Variants in BST1 observed in about 807,000 individuals in gnomAD.
BST1 encodes ADP-ribosyl cyclase/cyclic ADP-ribose hydrolase 2.
A neutral mutation model predicts 40.6 loss-of-function variants in BST1; 49 were observed. That is an observed-to-expected ratio of 1.21 (90% CI 0.96 to 1.53). BST1 has a LOEUF of 1.53. Among genes scored for constraint, BST1 ranks in the 40% most tolerant of loss-of-function variants. The pLI, the probability that BST1 is intolerant of heterozygous loss-of-function variation, is 0.00. For missense variants in BST1, 423 were observed against 395.9 expected, an observed-to-expected ratio of 1.07 and a Z score of -0.58; for synonymous variants, 157 against 159.3, an observed-to-expected ratio of 0.99 and a Z score of 0.11.
intron 4 of BST1, among the ~76,000 whole-genome samples, chr4:15,712,553 T>C (rs183107395): frequency 6.6e-6 from 1 of 152,276 alleles, no homozygotes; most frequent in Non-Finnish European, 1.5e-5. Flanking sequence ...GTTGACCAGG[T>C]GGATGTCAGG....
At chr4:15,742,722 T>G (rs1211608174), downstream of BST1, among the ~76,000 whole-genome samples, 2 of 152,030 alleles carry the variant, frequency 1.3e-5, no homozygotes, top group East Asian at 3.9e-4. Flanking sequence ...GGGAATTGAG[T>G]TAGGGATGGC....
chr4:15,705,435 GCT>G, intron 1 of BST1, 78 bp from the exon 2 acceptor site: 1 of 1,456,022 alleles, frequency 6.9e-7, no homozygotes, highest in Non-Finnish European at 9.2e-7. Context: ...CTCTTGTAAA[GCT>G]CTTAGACAAA....
chr4:15,742,728 A>G (rs1267970710), downstream of BST1, among the ~76,000 whole-genome samples: 2 of 152,246 alleles, frequency 1.3e-5, no homozygotes, highest in African/African-American at 2.4e-5. Context: ...TGAGTTAGGG[A>G]TGGCAGGAAG....
At chr4:15,742,095 G>T (rs751642985), downstream of BST1, among the ~76,000 whole-genome samples, 4 of 152,216 alleles carry the variant, frequency 2.6e-5, no homozygotes, top group African/African-American at 7.2e-5. Context: ...TGGAGAAGAA[G>T]GTGGTCTCTT....
At chr4:15,728,643 C>CTTT (rs869200119) in intron 8 of BST1, among the ~76,000 whole-genome samples, 12 of 119,802 alleles carry the variant, frequency 1.0e-4, no homozygotes, top group African/African-American at 2.6e-4. Flanking sequence ...TCCTTCCTTC[C>CTTT]TTTTTTTTTT....
In BST1 at chr4:15,713,072, T is replaced by A. The variant is rs78535070; in HGVS notation, c.534+1183T>A. On this transcript the variant is annotated intron_variant, in intron 4 of 8. Coordinates refer to ENST00000265016, the MANE Select transcript of BST1 (RefSeq NM_004334.3). ...AAATCTCATACTAGTGCCCACATTTTTTGAGAACTTGGCATTTGCTCTGTA... is the reference window on the plus strand; with the variant it reads ...AAATCTCATACTAGTGCCCACATTTATTGAGAACTTGGCATTTGCTCTGTA... 3.9e-3 allele frequency among the ~76,000 whole-genome samples: 588 copies of A among 152,334 alleles called. 3 individuals carry two copies. Among genetic ancestry groups the A allele is most frequent in the African/African-American group, 0.013 (555 of 41,564 alleles).
chr4:15,752,054 A>G, the BST1 span, among the ~76,000 whole-genome samples: 3 of 152,146 alleles, frequency 2.0e-5, no homozygotes, highest in African/African-American at 7.2e-5. Context: ...AACTTTGACA[A>G]GAGAGGTGTA....
chr4:15,738,198 G>A (rs1721638552), exon 7 of BST1: 1 of 180,488 alleles, frequency 5.5e-6, no homozygotes, highest in African/African-American at 2.4e-5. Flanking sequence ...CTGCCAGTGG[G>A]GGAGGCTATG....
At chr4:15,719,890 C>T (rs965902491) in intron 7 of BST1, among the ~76,000 whole-genome samples, 1 of 152,160 alleles carries the variant, frequency 6.6e-6, no homozygotes, top group Non-Finnish European at 1.5e-5. Flanking sequence ...GTTATCTGTA[C>T]CTTTTACTCA....
downstream of BST1, among the ~76,000 whole-genome samples, chr4:15,740,928 C>T (rs965337441): frequency 4.6e-5 from 7 of 151,854 alleles, no homozygotes; most frequent in Non-Finnish European, 7.4e-5. Context: ...CGCAACTACT[C>T]AACTCCGTGG....
chr4:15,726,267 A>T (rs1200083782), intron 8 of BST1, among the ~76,000 whole-genome samples: 2 of 147,756 alleles, frequency 1.4e-5, no homozygotes, highest in African/African-American at 5.0e-5. Flanking sequence ...TGTTTTTTTC[A>T]CTGATGATGG....
Position 15,732,228 on chromosome 4 carries a change from T to A in BST1, c.*383T>A. ...GGACACTGCATGCTTGTTGATTGCT[T>A]AAGACATATGTATACTATATAAATG... On this transcript the variant is annotated 3_prime_UTR_variant, in exon 9 of 9. Transcript: ENST00000265016. 1.6e-6 allele frequency: 1 copy of A among 617,674 alleles called. No homozygotes were observed. The highest frequency in any genetic ancestry group is 2.1e-6 in the Non-Finnish European group (1 of 482,714). The allele number at this position is 617,674 out of a possible 1,614,324, so 38.3% of individuals were successfully genotyped here. A position where few individuals can be genotyped will look rare whatever the true frequency, so the allele number is the denominator to read the frequency against.
At chr4:15,770,833 T>C in the BST1 span, among the ~76,000 whole-genome samples, 2 of 152,250 alleles carry the variant, frequency 1.3e-5, no homozygotes, top group Non-Finnish European at 2.9e-5. Context: ...CTGTTCCCTA[T>C]ACACATTACC....
At chr4:15,739,686 C>G (rs1721691375), downstream of BST1, among the ~76,000 whole-genome samples, 1 of 152,006 alleles carries the variant, frequency 6.6e-6, no homozygotes, top group African/African-American at 2.4e-5. Flanking sequence ...GACACAGTAA[C>G]TCTAAGATGG....
chr4:15,719,448 G>A (rs1157587594), intron 7 of BST1, among the ~76,000 whole-genome samples: 1 of 152,000 alleles, frequency 6.6e-6, no homozygotes, highest in African/African-American at 2.4e-5. Flanking sequence ...AGCAGCTATG[G>A]GCCAGACACT....
the BST1 span, among the ~76,000 whole-genome samples, chr4:15,761,450 T>C: frequency 6.6e-6 from 1 of 152,024 alleles, no homozygotes; most frequent in South Asian, 2.1e-4. Context: ...TATACCATAA[T>C]ACAGGGAACG....
chr4:15,731,656 G>C, intron 8 of BST1, 84 bp from the exon 9 acceptor site: 3 of 1,494,096 alleles, frequency 2.0e-6, no homozygotes, highest in Admixed American at 4.0e-5. Context: ...AACCAGAAAA[G>C]AGACTAATAC....
In BST1 at chr4:15,711,811, C is replaced by G; in HGVS notation, c.456C>G (p.Leu152=). The change falls in exon 4 of 9, where the codon CTC becomes CTG. Residue 152 remains leucine, a synonymous_variant. Coordinates refer to ENST00000265016, the MANE Select transcript of BST1 (RefSeq NM_004334.3). Reference sequence around the variant, plus strand: ...GTTTGTCTACTTACCCCTTAGGACTCGATTACCAATCCTGCCCTACATCAG... The same window carrying G: ...GTTTGTCTACTTACCCCTTAGGACTGGATTACCAATCCTGCCCTACATCAG... ...SWCRQKNDSG[L]DYQSCPTSED... The G allele has an allele frequency of 1.2e-6, 2 of 1,612,930 alleles. No individual in the cohort carries two copies. The highest frequency in any genetic ancestry group is 1.7e-6 in the Non-Finnish European group (2 of 1,178,960).
chr4:15,742,715 A>C (rs993947996), downstream of BST1, among the ~76,000 whole-genome samples: 1 of 152,216 alleles, frequency 6.6e-6, no homozygotes, highest in African/African-American at 2.4e-5. Context: ...AAGAAGTGGG[A>C]ATTGAGTTAG....
Sources: allele counts gnomAD v4.1 joint callset (sites outside exome capture counted in the v4.1 genomes callset), GRCh38; gene constraint gnomAD v4.1.1; transcripts MANE v1.5; gene names NCBI Gene and HGNC (gene_info 2026-07-23, HGNC 2026-07-21).